ABLIM2: variants seen among roughly 807,000 people sequenced by gnomAD.
ABLIM2 encodes the protein actin-binding LIM protein 2.
A neutral mutation model predicts 97.7 loss-of-function variants in ABLIM2; 53 were observed. The observed-to-expected ratio is 0.54, with a 90% CI of 0.44 to 0.68. The LOEUF is 0.68. ABLIM2 is among the 30% of genes least tolerant of loss of function. The probability of loss-of-function intolerance (pLI) is 0.00; values close to 1 mark genes in which losing one functional copy is unlikely to be tolerated. For synonymous variants in ABLIM2, 361 were observed against 345.8 expected (o/e 1.04, Z -0.49); for missense variants, 835 against 867.2 (o/e 0.96, Z 0.47).
At chr4:7,994,744 ATCCTCTCC>A (rs1578170454) in intron 16 of ABLIM2, among the ~76,000 whole-genome samples, 1 of 116,432 alleles carries the variant, frequency 8.6e-6, no homozygotes, top group Admixed American at 9.2e-5. Context: ...ATTTCTCCGC[ATCCTCTCC>A]AGCACCTGTT....
chr4:8,028,972 C>T (rs1188034365), intron 11 of ABLIM2, among the ~76,000 whole-genome samples: 4 of 152,170 alleles, frequency 2.6e-5, no homozygotes, highest in Non-Finnish European at 4.4e-5. Flanking sequence ...TGGAAAAATC[C>T]CTCGAAAGGC....
In ABLIM2 at chr4:8,149,489, G is replaced by A. The variant is rs1485948964; in HGVS notation, c.10+9191C>T. ...CACAGGAAACCCCAGCTTGGTCTGTGTCCACAGGTTCAGAGGAAGGAGGGA... is the reference window on the plus strand; with the variant it reads ...CACAGGAAACCCCAGCTTGGTCTGTATCCACAGGTTCAGAGGAAGGAGGGA... On this transcript the variant is annotated intron_variant, in intron 1 of 20. Transcript: ENST00000447017. This position sits in a 1 kb window ranked among gnomAD's most constrained non-coding sequence, Gnocchi z 6.4. 6.6e-6 allele frequency among the ~76,000 whole-genome samples: 1 copy of A among 151,954 alleles called. No individual in the cohort carries two copies.
intron 2 of ABLIM2, among the ~76,000 whole-genome samples, chr4:8,104,958 T>C (rs895232170): frequency 1.3e-5 from 2 of 152,140 alleles, no homozygotes; most frequent in African/African-American, 4.8e-5. Context: ...GCTCCCCTCC[T>C]GCTCCCACTC....
chr4:8,102,007 C>T (rs1834898400), intron 2 of ABLIM2, among the ~76,000 whole-genome samples: 2 of 152,186 alleles, frequency 1.3e-5, no homozygotes, highest in Admixed American at 1.3e-4. Context: ...CTGCCTCTAG[C>T]CTCCTCCCGA....
chr4:7,980,576 G>A lies in ABLIM2; in HGVS notation c.1824+2688C>T, dbSNP rs553267556. On this transcript the variant is annotated intron_variant, in intron 20 of 20. Coordinates refer to ENST00000447017, the MANE Select transcript of ABLIM2 (RefSeq NM_001130083.2). ...CTAAAAATAAAAAAATTAGCCAGGC[G>A]TGGTGGTGGGTGCCTGTAGTCCCAG... 3.9e-5 allele frequency among the ~76,000 whole-genome samples: 6 copies of A among 152,094 alleles called. No homozygotes were observed. In the East Asian group the frequency reaches 5.8e-4, roughly 15 times the overall value.
At chr4:8,055,370 C>T (rs1321252369) in intron 7 of ABLIM2, among the ~76,000 whole-genome samples, 1 of 151,866 alleles carries the variant, frequency 6.6e-6, no homozygotes, top group African/African-American at 2.4e-5. Flanking sequence ...ACCTGCTGCC[C>T]CCTGCGATGG....
rs531847168 is a variant in ABLIM2 at position 8,140,607 on chromosome 4, G to A, written c.10+18073C>T. 9.9e-5 allele frequency among the ~76,000 whole-genome samples: 15 copies of A among 152,248 alleles called. No individual in the cohort carries two copies. In the South Asian group the frequency reaches 2.7e-3, roughly 27 times the overall value. On this transcript the variant is annotated intron_variant, in intron 1 of 20. Coordinates refer to ENST00000447017, the MANE Select transcript of ABLIM2 (RefSeq NM_001130083.2). The surrounding 1 kb of genome is among the most constrained non-coding windows in gnomAD (Gnocchi z 5.9). ...AAACGCGCATTCTGTCTGTGATACC[G>A]TTACTCCCATGGCCACTGCTACTGA...
chr4:8,096,882 G>A (rs934337132), intron 3 of ABLIM2, among the ~76,000 whole-genome samples: 8 of 152,194 alleles, frequency 5.3e-5, no homozygotes, highest in Non-Finnish European at 1.0e-4. Context: ...GACCCAAAGC[G>A]GGGCAGCCCA....
At chr4:8,078,211 T>C (rs1817537747) in intron 5 of ABLIM2, among the ~76,000 whole-genome samples, 1 of 152,214 alleles carries the variant, frequency 6.6e-6, no homozygotes, top group Non-Finnish European at 1.5e-5. Flanking sequence ...CCCTGCATCC[T>C]GGCCTGCATC....
chr4:8,019,630 A>G lies in ABLIM2; in HGVS notation c.1411T>C (p.Tyr471His). ...KDNIYRKPPI[Y>H]RQHAARRSDG... is the part of the protein sequence containing the mutation. ...AATCCAACCGTACCATGCTGTCTGT[A>G]GATAGGGGGTTTCCTATAGATGTTA... Residue 471 changes from tyrosine to histidine, a missense_variant, in exon 14 of 21, where the codon TAC becomes CAC. By Grantham distance (83) the Tyr-to-His change is moderately conservative. Transcript: ENST00000447017. This position sits in a 1 kb window ranked among gnomAD's most constrained non-coding sequence, Gnocchi z 4.3. 6.2e-7 allele frequency: 1 copy of G among 1,612,286 alleles called. No individual in the cohort carries two copies. The highest frequency in any genetic ancestry group is 8.5e-7 in the Non-Finnish European group (1 of 1,179,324).
intron 20 of ABLIM2, among the ~76,000 whole-genome samples, chr4:7,975,121 G>A (rs961406716): frequency 1.3e-5 from 2 of 152,234 alleles, no homozygotes; most frequent in East Asian, 1.9e-4. Flanking sequence ...AGGAGGCTGA[G>A]GTGAGAGGAT....
intron 6 of ABLIM2, among the ~76,000 whole-genome samples, chr4:8,064,142 C>T (rs1045380454): frequency 4.6e-5 from 7 of 152,252 alleles, no homozygotes; most frequent in African/African-American, 1.4e-4. Context: ...CTCGCCATTG[C>T]TCCACAAGCG....
chr4:8,128,567 C>T lies in ABLIM2; in HGVS notation c.11-21930G>A, dbSNP rs1237631691. Among the ~76,000 whole-genome samples the T allele has an allele frequency of 6.6e-6, 1 of 152,238 alleles. No individual in the cohort carries two copies. The highest frequency in any genetic ancestry group is 1.5e-5 in the Non-Finnish European group (1 of 68,036). On this transcript the variant is annotated intron_variant, in intron 1 of 20. Transcript: ENST00000447017. The surrounding 1 kb of genome is among the most constrained non-coding windows in gnomAD (Gnocchi z 4.9). ...ACTCCCAGGCTCTAAAACACGAATG[C>T]ACTAAACCTCCAGTGACCTTGCACA... is the stretch of plus-strand genomic sequence containing the variant.
In ABLIM2 at chr4:8,125,060, A is replaced by G. The variant is rs1234454732; in HGVS notation, c.11-18423T>C. Among the ~76,000 whole-genome samples the G allele has an allele frequency of 6.6e-6, 1 of 152,102 alleles. No homozygotes were observed. The highest frequency in any genetic ancestry group is 1.5e-5 in the Non-Finnish European group (1 of 68,030). On this transcript the variant is annotated intron_variant, in intron 1 of 20. Transcript: ENST00000447017. This position sits in a 1 kb window ranked among gnomAD's most constrained non-coding sequence, Gnocchi z 6.2. ...GATGCAGATGCTTTGCCCATTTTTC[A>G]GCTTGGTTGTCTTGATAGGATTGAG...
At chr4:8,107,811 G>C (rs982306886) in intron 1 of ABLIM2, among the ~76,000 whole-genome samples, 1 of 152,166 alleles carries the variant, frequency 6.6e-6, no homozygotes, top group Admixed American at 6.5e-5. Flanking sequence ...TGATGTGATC[G>C]TCTAGCTGAG....
chr4:7,971,353 G>A (rs1412061513), intron 20 of ABLIM2, among the ~76,000 whole-genome samples: 2 of 151,956 alleles, frequency 1.3e-5, no homozygotes, highest in Non-Finnish European at 2.9e-5. Context: ...CAGGGCCCGC[G>A]CAGGACAAGC....
chr4:8,036,629 A>T (rs193093168), intron 9 of ABLIM2, among the ~76,000 whole-genome samples: 2 of 152,364 alleles, frequency 1.3e-5, no homozygotes, highest in East Asian at 3.9e-4. Flanking sequence ...AGGCCCAGCC[A>T]CAAAAGAGCC....
chr4:7,968,663 G>A (rs770691894), intron 20 of ABLIM2, among the ~76,000 whole-genome samples: 18 of 152,188 alleles, frequency 1.2e-4, no homozygotes, highest in Non-Finnish European at 2.2e-4. Flanking sequence ...ATTCGTGGTC[G>A]CCAGGGACTG....
At position 8,153,856 on chromosome 4, in the gene ABLIM2, C is replaced by T. The variant is rs539638697; in HGVS notation, c.10+4824G>A. On this transcript the variant is annotated intron_variant, in intron 1 of 20. Coordinates refer to ENST00000447017, the MANE Select transcript of ABLIM2 (RefSeq NM_001130083.2). Reference sequence around the variant, plus strand: ...CCTTCTCCCACATCTTACAGATGGGCACCGACGGCACTTCCCGACATTGCC... The same window carrying T: ...CCTTCTCCCACATCTTACAGATGGGTACCGACGGCACTTCCCGACATTGCC... Among the ~76,000 whole-genome samples the T allele has an allele frequency of 9.8e-5, 15 of 152,330 alleles. No homozygotes were observed. The East Asian group carries it at 2.3e-3, about 23-fold the overall frequency.
Sources: gnomAD v4.1 joint callset for allele counts (sites outside exome capture counted in the v4.1 genomes callset) on GRCh38, gnomAD v4.1.1 for gene constraint, Gnocchi (gnomAD v3.1) non-coding constraint, MANE v1.5 for transcripts, NCBI Gene and HGNC (gene_info 2026-07-23, HGNC 2026-07-21) for gene names.